Variants in OSBPL8 observed in about 807,000 individuals in gnomAD.
OSBPL8 encodes the protein oxysterol binding protein like 8.
In OSBPL8, 59 loss-of-function variants were observed where a neutral mutation model predicts 125.5. The observed-to-expected ratio is 0.47, with a 90% CI of 0.38 to 0.58. The LOEUF (loss-of-function observed/expected upper bound fraction) is 0.58. Ranked by LOEUF, OSBPL8 falls within the 20% of genes least tolerant of loss-of-function variation. The probability of loss-of-function intolerance (pLI) is 0.00; values close to 1 mark genes in which losing one functional copy is unlikely to be tolerated. For synonymous variants in OSBPL8, 330 were observed against 338.9 expected (o/e 0.97, Z 0.29); for missense variants, 758 against 1,047.8 (o/e 0.72, Z 3.82).
intron 5 of OSBPL8, among the ~76,000 whole-genome samples, chr12:76,409,973 A>G (rs992918837): frequency 3.3e-5 from 5 of 152,324 alleles, no homozygotes; most frequent in Admixed American, 6.5e-5. Flanking sequence ...AATTATAGAA[A>G]ATCTAGTGAA....
At chr12:76,541,081 A>C (rs550750008) in intron 1 of OSBPL8, among the ~76,000 whole-genome samples, 1 of 152,348 alleles carries the variant, frequency 6.6e-6, no homozygotes, top group East Asian at 1.9e-4. Flanking sequence ...AGCTTCTCTA[A>C]GACACATAAC....
chr12:76,490,549 T>G (rs567348542), intron 1 of OSBPL8, among the ~76,000 whole-genome samples: 41 of 152,326 alleles, frequency 2.7e-4, no homozygotes, highest in African/African-American at 9.9e-4. Context: ...AGGGAAAGAT[T>G]ACCTACCTGC....
rs1951941645 is a variant in OSBPL8 at position 76,355,268 on chromosome 12, A to G, written c.*621T>C. 6.6e-6 allele frequency: 1 copy of G among 152,528 alleles called. No individual in the cohort carries two copies. Among genetic ancestry groups the G allele is most frequent in the Non-Finnish European group, 1.5e-5 (1 of 67,946 alleles). The allele number at this position is 152,528 out of a possible 1,614,324, so 9.4% of individuals were successfully genotyped here. A position where few individuals can be genotyped will look rare whatever the true frequency, so the allele number is the denominator to read the frequency against. On this transcript the variant is annotated 3_prime_UTR_variant, in exon 24 of 24. Coordinates refer to ENST00000261183, the MANE Select transcript of OSBPL8 (RefSeq NM_020841.5). ...AAATTCTAGGGGTTAAAAAAAACTT[A>G]TGTAAACTTTTAAAAAAGCAATTTG... is the stretch of plus-strand genomic sequence containing the variant.
chr12:76,531,548 C>T (rs890229567), intron 1 of OSBPL8, among the ~76,000 whole-genome samples: 1 of 152,108 alleles, frequency 6.6e-6, no homozygotes, highest in African/African-American at 2.4e-5. Context: ...ATGTATCAAA[C>T]TGTGACAATA....
chr12:76,498,213 T>C (rs758744106), intron 1 of OSBPL8, among the ~76,000 whole-genome samples: 14 of 152,334 alleles, frequency 9.2e-5, no homozygotes, highest in South Asian at 6.2e-4. Flanking sequence ...GAGACCAGCC[T>C]GGCCAACATG....
At chr12:76,490,803 G>A (rs1878636901) in intron 1 of OSBPL8, among the ~76,000 whole-genome samples, 1 of 152,222 alleles carries the variant, frequency 6.6e-6, no homozygotes, top group South Asian at 2.1e-4. Context: ...TAACACTTAA[G>A]CCACCCACAG....
At chr12:76,470,164 A>G (rs1254358077) in intron 2 of OSBPL8, among the ~76,000 whole-genome samples, 1 of 152,224 alleles carries the variant, frequency 6.6e-6, no homozygotes, top group Non-Finnish European at 1.5e-5. Flanking sequence ...GAGAAGCTCA[A>G]AATTAACCAA....
At chr12:76,514,094 C>T (rs1489143468) in intron 1 of OSBPL8, among the ~76,000 whole-genome samples, 1 of 152,040 alleles carries the variant, frequency 6.6e-6, no homozygotes, top group Non-Finnish European at 1.5e-5. Flanking sequence ...TTCAAGATCT[C>T]TTGTAAGGCA....
At chr12:76,532,205 C>G (rs939184594) in intron 1 of OSBPL8, among the ~76,000 whole-genome samples, 3 of 151,782 alleles carry the variant, frequency 2.0e-5, no homozygotes, top group Admixed American at 6.6e-5. Flanking sequence ...AAATAACATT[C>G]TAATTTCTCT....
intron 1 of OSBPL8, among the ~76,000 whole-genome samples, chr12:76,539,364 T>C (rs1470673033): frequency 6.6e-6 from 1 of 151,976 alleles, no homozygotes; most frequent in Non-Finnish European, 1.5e-5. Flanking sequence ...AATTTAAACA[T>C]ATGTAAAGGT....
At chr12:76,388,820 T>C (rs981976038) in intron 12 of OSBPL8, among the ~76,000 whole-genome samples, 3 of 152,162 alleles carry the variant, frequency 2.0e-5, no homozygotes, top group African/African-American at 7.2e-5. Context: ...TTTGCAAAAA[T>C]TTCCCAGTTT....
intron 3 of OSBPL8, among the ~76,000 whole-genome samples, chr12:76,457,025 C>T (rs1328986189): frequency 1.3e-5 from 2 of 152,096 alleles, no homozygotes; most frequent in African/African-American, 2.4e-5. Flanking sequence ...GGTCCCATAG[C>T]GTTATTCAAG....
chr12:76,445,051 G>A (rs1015069985), intron 4 of OSBPL8, among the ~76,000 whole-genome samples: 14 of 152,040 alleles, frequency 9.2e-5, no homozygotes, highest in Non-Finnish European at 1.6e-4. Flanking sequence ...ACACCTATAA[G>A]AACCCTGAAC....
At position 76,399,893 on chromosome 12, in the gene OSBPL8, C is replaced by T. The variant is rs1225401224; in HGVS notation, c.448G>A (p.Val150Ile). 2.5e-6 allele frequency: 4 copies of T among 1,600,740 alleles called. No homozygotes were observed. The highest frequency in any genetic ancestry group is 8.5e-7 in the Non-Finnish European group (1 of 1,176,426). The change falls in exon 7 of 24, where the codon GTT becomes ATT. Residue 150 changes from valine (V) to isoleucine (I), a missense_variant. By Grantham distance (29) the Val-to-Ile change is conservative (BLOSUM62 3). Coordinates refer to ENST00000261183, the MANE Select transcript of OSBPL8 (RefSeq NM_020841.5). ...CTGACCTTTAACCAATCAGCCATAA[C>T]AATAACAGAAGGATCTGTGATTGTA... is the stretch of plus-strand genomic sequence containing the variant. ...LSTITDPSVI[V>I]MADWLKIRGT...
intron 1 of OSBPL8, among the ~76,000 whole-genome samples, chr12:76,552,822 G>T (rs1468761580): frequency 1.3e-5 from 2 of 152,040 alleles, no homozygotes; most frequent in Admixed American, 6.6e-5. Context: ...GTGCTATTCT[G>T]CCTCTCCAGA....
intron 21 of OSBPL8, among the ~76,000 whole-genome samples, chr12:76,364,075 T>C (rs906617183): frequency 6.6e-6 from 1 of 152,194 alleles, no homozygotes; most frequent in Non-Finnish European, 1.5e-5. Flanking sequence ...AGTTCAACCA[T>C]TGTGGAAGAC....
chr12:76,479,411 T>C (rs531542714), intron 2 of OSBPL8, among the ~76,000 whole-genome samples: 2 of 152,334 alleles, frequency 1.3e-5, no homozygotes, highest in African/African-American at 4.8e-5. Flanking sequence ...TTGATTGGTT[T>C]GCTTGCTCAA....
chr12:76,542,093 C>T (rs1209458833), intron 1 of OSBPL8, among the ~76,000 whole-genome samples: 3 of 152,146 alleles, frequency 2.0e-5, no homozygotes, highest in Non-Finnish European at 4.4e-5. Context: ...ATCGCTTGAA[C>T]CCAGAAGGCA....
chr12:76,474,339 T>G (rs988033400), intron 2 of OSBPL8, among the ~76,000 whole-genome samples: 5 of 152,162 alleles, frequency 3.3e-5, no homozygotes, highest in African/African-American at 1.2e-4. Flanking sequence ...GAAGTCAACT[T>G]AAGTTTAATA....
Sources: allele counts gnomAD v4.1 joint callset (sites outside exome capture counted in the v4.1 genomes callset), GRCh38; gene constraint gnomAD v4.1.1; transcripts MANE v1.5; gene names NCBI Gene and HGNC (gene_info 2026-07-23, HGNC 2026-07-21).